Variants in CDH13 observed in about 807,000 individuals in gnomAD.
The protein encoded by CDH13 is cadherin 13.
CDH13 carries 24 observed loss-of-function variants against 63.8 expected under a neutral mutation model. The ratio of observed to expected loss-of-function variants is 0.38; its 90% CI spans 0.27 to 0.53. The LOEUF (loss-of-function observed/expected upper bound fraction) is 0.53, where lower values mean the gene tolerates loss of function less well. CDH13 is among the 20% of genes least tolerant of loss of function. The pLI is 0.85. For missense variants in CDH13, 1,049 were observed against 903.1 expected (o/e 1.16, Z -2.07); for synonymous variants, 503 against 355.3 (o/e 1.42, Z -4.67).
intron 5 of CDH13, among the ~76,000 whole-genome samples, chr16:83,320,219 T>C (rs904453002): frequency 9.2e-5 from 14 of 152,118 alleles, no homozygotes; most frequent in African/African-American, 2.9e-4. Flanking sequence ...GTTCCTTTTT[T>C]TTTTTTGGTA....
chr16:83,445,843 T>C (rs2072671108), intron 6 of CDH13, among the ~76,000 whole-genome samples: 1 of 152,030 alleles, frequency 6.6e-6, no homozygotes, highest in Non-Finnish European at 1.5e-5. Context: ...AAGTAGGTAC[T>C]TGGGGAGATA....
intron 4 of CDH13, among the ~76,000 whole-genome samples, chr16:83,197,793 C>T (rs1172769357): frequency 1.4e-5 from 2 of 141,488 alleles, no homozygotes; most frequent in African/African-American, 2.7e-5. Flanking sequence ...CTCACACACT[C>T]ATATGCTCAC....
chr16:83,388,764 C>A (rs1433002130), intron 6 of CDH13, among the ~76,000 whole-genome samples: 1 of 152,150 alleles, frequency 6.6e-6, no homozygotes, highest in East Asian at 1.9e-4. Flanking sequence ...ACCACCCTCT[C>A]CATACTTGCT....
chr16:82,670,563 G>A (rs1913120779), intron 1 of CDH13, among the ~76,000 whole-genome samples: 1 of 152,176 alleles, frequency 6.6e-6, no homozygotes, highest in Non-Finnish European at 1.5e-5. Context: ...CACACGTACT[G>A]AGGACTATTG....
Position 83,047,942 on chromosome 16 carries a change from T to C in CDH13, c.366+15724T>C, listed in dbSNP as rs1199455366. Among the ~76,000 whole-genome samples the C allele has an allele frequency of 2.0e-5, 3 of 152,180 alleles. No individual in the cohort carries two copies. The highest frequency in any genetic ancestry group is 7.2e-5 in the African/African-American group (3 of 41,436). On this transcript the variant is annotated intron_variant, in intron 3 of 13. Coordinates refer to ENST00000567109, the MANE Select transcript of CDH13 (RefSeq NM_001257.5). This position sits in a 1 kb window ranked among gnomAD's most constrained non-coding sequence, Gnocchi z 4.9. ...AGCACAGGGTCATACATCTAGAATA[T>C]TTTGGAGACATATTTTTGCACTCAG... is the stretch of plus-strand genomic sequence containing the variant.
chr16:82,893,018 A>C (rs2041135979), intron 2 of CDH13, among the ~76,000 whole-genome samples: 1 of 152,224 alleles, frequency 6.6e-6, no homozygotes, highest in African/African-American at 2.4e-5. Flanking sequence ...ATTATCTAAG[A>C]AATATGCCTT....
chr16:82,874,765 G>T (rs1383213985), intron 2 of CDH13, among the ~76,000 whole-genome samples: 1 of 152,148 alleles, frequency 6.6e-6, no homozygotes, highest in Non-Finnish European at 1.5e-5. Flanking sequence ...TTCCATGGAA[G>T]GAAGTCTGTT....
At chr16:83,460,280 G>A (rs571749124) in intron 6 of CDH13, among the ~76,000 whole-genome samples, 3 of 152,168 alleles carry the variant, frequency 2.0e-5, no homozygotes, top group Admixed American at 6.5e-5. Flanking sequence ...AGAGACCCTC[G>A]CTGACTGCTG....
intron 3 of CDH13, among the ~76,000 whole-genome samples, chr16:83,035,840 A>C (rs112591173): frequency 5.8e-4 from 88 of 152,266 alleles, no homozygotes; most frequent in African/African-American, 1.9e-3. Flanking sequence ...CTTCCTGTGG[A>C]TTCAATGAGA....
chr16:83,401,648 C>A (rs1434764011), intron 6 of CDH13, among the ~76,000 whole-genome samples: 1 of 151,248 alleles, frequency 6.6e-6, no homozygotes, highest in Non-Finnish European at 1.5e-5. Flanking sequence ...GTAATATTCC[C>A]ATTTTATGGA....
intron 5 of CDH13, among the ~76,000 whole-genome samples, chr16:83,247,966 C>A (rs1439851210): frequency 6.6e-6 from 1 of 152,180 alleles, no homozygotes; most frequent in Non-Finnish European, 1.5e-5. Flanking sequence ...CGCTCCATTT[C>A]TGAAGTCCAG....
intron 5 of CDH13, among the ~76,000 whole-genome samples, chr16:83,228,054 C>T (rs192138238): frequency 3.9e-5 from 6 of 152,220 alleles, no homozygotes; most frequent in Admixed American, 2.6e-4. Context: ...TCCAGGAAGG[C>T]CCTCCTGGGA....
intron 10 of CDH13, among the ~76,000 whole-genome samples, chr16:83,722,454 A>T (rs994521106): frequency 6.6e-6 from 1 of 152,176 alleles, no homozygotes; most frequent in African/African-American, 2.4e-5. Flanking sequence ...ATTCAGTGAC[A>T]TCGTGGGAGT....
intron 6 of CDH13, among the ~76,000 whole-genome samples, chr16:83,366,747 G>A (rs574310989): frequency 6.6e-6 from 1 of 152,242 alleles, no homozygotes; most frequent in African/African-American, 2.4e-5. Flanking sequence ...CTCCTGACCT[G>A]TCTTCATTGC....
intron 6 of CDH13, among the ~76,000 whole-genome samples, chr16:83,379,938 TAG>T (rs71148831): frequency 1.2e-3 from 148 of 123,434 alleles, no homozygotes; most frequent in African/African-American, 3.4e-3. Context: ...TATATATATA[TAG>T]AGAGAGAGAG....
chr16:83,253,617 C>T (rs1201819491), intron 5 of CDH13, among the ~76,000 whole-genome samples: 1 of 152,152 alleles, frequency 6.6e-6, no homozygotes, highest in Non-Finnish European at 1.5e-5. Context: ...GCCTGGTTGC[C>T]CTCCAGGTGT....
chr16:82,743,873 TAATTA>T (rs949921188), intron 1 of CDH13, among the ~76,000 whole-genome samples: 1 of 152,226 alleles, frequency 6.6e-6, no homozygotes, highest in Admixed American at 6.5e-5. Context: ...CAGGTGTATG[TAATTA>T]AATTTGATTT....
chr16:83,514,004 C>A (rs1363433883), intron 7 of CDH13, among the ~76,000 whole-genome samples: 2 of 152,078 alleles, frequency 1.3e-5, no homozygotes, highest in African/African-American at 4.8e-5. Flanking sequence ...AGTTCATCAT[C>A]AGGAGCTGAA....
intron 1 of CDH13, among the ~76,000 whole-genome samples, chr16:82,675,883 T>G (rs569015622): frequency 6.6e-6 from 1 of 152,200 alleles, no homozygotes; most frequent in Non-Finnish European, 1.5e-5. Flanking sequence ...CGCTAAGCAG[T>G]TCTGAACCTA....
Sources: allele counts gnomAD v4.1 joint callset (sites outside exome capture counted in the v4.1 genomes callset), GRCh38; gene constraint gnomAD v4.1.1; non-coding constraint Gnocchi (gnomAD v3.1); transcripts MANE v1.5; gene names NCBI Gene and HGNC (gene_info 2026-07-23, HGNC 2026-07-21).